The following TRIM62 variants were observed in gnomAD, a reference collection of about 807,000 sequenced individuals.
TRIM62 encodes the protein E3 ubiquitin-protein ligase TRIM62.
In TRIM62, 39 loss-of-function variants were observed where a neutral mutation model predicts 44.2. The ratio of observed to expected loss-of-function variants is 0.88; its 90% CI spans 0.68 to 1.15. TRIM62 has a LOEUF of 1.15. Among genes scored for constraint, TRIM62 ranks in the 50% most tolerant of loss-of-function variants. The pLI is 0.00. For synonymous variants in TRIM62, 278 were observed against 292.3 expected (o/e 0.95, Z 0.50); for missense variants, 544 against 665.5 (o/e 0.82, Z 2.01).
At position 33,146,488 on chromosome 1, in the gene TRIM62, T is replaced by A. The variant is rs1645023067; in HGVS notation, c.*689A>T. 1 of 159,514 alleles carries A rather than the reference T, an allele frequency of 6.3e-6. No homozygotes were observed. The highest frequency in any genetic ancestry group is 1.4e-5 in the Non-Finnish European group (1 of 72,206). The allele number at this position is 159,514 out of a possible 1,614,324, so 9.9% of individuals were successfully genotyped here. ...TAATGGGCTCTGCATCAGCTTTGGG[T>A]ATACCCTCACCCTGTCCCTCGGCCT... On this transcript the variant is annotated 3_prime_UTR_variant, in exon 5 of 5. Coordinates refer to ENST00000291416, the MANE Select transcript of TRIM62 (RefSeq NM_018207.3).
intron 1 of TRIM62, among the ~76,000 whole-genome samples, chr1:33,174,128 C>CCCCTTCTTCT (rs1645395628): frequency 6.7e-6 from 1 of 148,162 alleles, no homozygotes; most frequent in Non-Finnish European, 1.5e-5. Flanking sequence ...TTTCTTCTTC[C>CCCCTTCTTCT]CCCTTCTTCT....
intron 4 of TRIM62, among the ~76,000 whole-genome samples, chr1:33,155,215 G>A (rs1056872074): frequency 2.6e-5 from 4 of 151,680 alleles, no homozygotes; most frequent in African/African-American, 9.7e-5. Context: ...GGGATTACAG[G>A]CGTGTACCAC....
At chr1:33,149,075 C>A (rs1302979108) in intron 4 of TRIM62, among the ~76,000 whole-genome samples, 1 of 152,224 alleles carries the variant, frequency 6.6e-6, no homozygotes, top group Non-Finnish European at 1.5e-5. Flanking sequence ...ATTCAAAAGG[C>A]CCACCCTTTG....
chr1:33,149,317 T>A (rs1474427897), intron 4 of TRIM62, among the ~76,000 whole-genome samples: 1 of 152,098 alleles, frequency 6.6e-6, no homozygotes, highest in Admixed American at 6.5e-5. Context: ...CACGCCTGGC[T>A]AATTTTTTGT....
chr1:33,171,812 C>T (rs1430437021), intron 1 of TRIM62, among the ~76,000 whole-genome samples: 1 of 152,118 alleles, frequency 6.6e-6, no homozygotes, highest in South Asian at 2.1e-4. Context: ...GACAGAATCT[C>T]GCTCTGTAAC....
chr1:33,174,329 A>G (rs1374956651), intron 1 of TRIM62, among the ~76,000 whole-genome samples: 5 of 152,110 alleles, frequency 3.3e-5, no homozygotes, highest in Admixed American at 3.3e-4. Flanking sequence ...CTACAGGTGC[A>G]TGAAACCATG....
In TRIM62 at chr1:33,165,309, A is replaced by C; in HGVS notation, c.504+162T>G. On this transcript the variant is annotated intron_variant, in intron 2 of 4. Transcript: ENST00000291416. This position sits in a 1 kb window ranked among gnomAD's most constrained non-coding sequence, Gnocchi z 4.0. ...CCCCATTGAACTTCACGGATGCCCT[A>C]CCCTCTTCCCCACCCTGCCCTTCTC... The C allele has an allele frequency of 1.7e-6, 1 of 599,810 alleles. No individual in the cohort carries two copies. The highest frequency in any genetic ancestry group is 3.1e-5 in the East Asian group (1 of 32,540). The allele number at this position is 599,810 out of a possible 1,614,324, so 37.2% of individuals were successfully genotyped here. A position where few individuals can be genotyped will look rare whatever the true frequency, so the allele number is the denominator to read the frequency against.
intron 4 of TRIM62, among the ~76,000 whole-genome samples, chr1:33,150,653 GA>G (rs1379746290): frequency 6.6e-6 from 1 of 152,218 alleles, no homozygotes; most frequent in Non-Finnish European, 1.5e-5. Flanking sequence ...CCTGTGGTCT[GA>G]CTGGCCACAG....
chr1:33,157,617 G>A (rs1645197497), intron 4 of TRIM62, among the ~76,000 whole-genome samples: 1 of 152,068 alleles, frequency 6.6e-6, no homozygotes, highest in African/African-American at 2.4e-5. Context: ...GCTTACTATG[G>A]TATCTCCAGC....
chr1:33,172,645 TATGCC>T (rs1449889505), intron 1 of TRIM62, among the ~76,000 whole-genome samples: 3 of 152,020 alleles, frequency 2.0e-5, no homozygotes, highest in African/African-American at 7.3e-5. Flanking sequence ...GTTATGCAAA[TATGCC>T]AGCTTTGAGG....
intron 4 of TRIM62, among the ~76,000 whole-genome samples, chr1:33,155,469 T>C (rs572493264): frequency 1.2e-4 from 18 of 152,204 alleles, no homozygotes; most frequent in Admixed American, 2.0e-4. Context: ...CTGTGTGACC[T>C]GAGGGAGTCA....
chr1:33,156,557 C>T (rs1360298723), intron 4 of TRIM62, among the ~76,000 whole-genome samples: 1 of 152,172 alleles, frequency 6.6e-6, no homozygotes, highest in African/African-American at 2.4e-5. Flanking sequence ...TTGGCTGGGT[C>T]CCCCTCTTGT....
chr1:33,161,504 G>A lies in TRIM62; in HGVS notation c.505-1560C>T, dbSNP rs554539665. 5.3e-5 allele frequency among the ~76,000 whole-genome samples: 8 copies of A among 152,262 alleles called. No individual in the cohort carries two copies. In the South Asian group the frequency reaches 1.0e-3, roughly 20 times the overall value. ...CTCAATTAGGGCCTGTTCCCTCCCC[G>A]ACGCGCGGCTGCTGGCCTGCAGGAA... On this transcript the variant is annotated intron_variant, in intron 2 of 4. Coordinates refer to ENST00000291416, the MANE Select transcript of TRIM62 (RefSeq NM_018207.3). The surrounding 1 kb of genome is among the most constrained non-coding windows in gnomAD (Gnocchi z 4.3).
chr1:33,146,797 G>A lies in TRIM62; in HGVS notation c.*380C>T, dbSNP rs1295902048. ...CATAAGAGGGTGCTGTGTGTCTTTC[G>A]GGCTGCCAACTACTGGCCATGCTCT... On this transcript the variant is annotated 3_prime_UTR_variant, in exon 5 of 5. Transcript: ENST00000291416. The A allele has an allele frequency of 2.2e-5, 6 of 275,626 alleles. No individual in the cohort carries two copies. The East Asian group carries it at 3.4e-4, about 16-fold the overall frequency. 17.1% of individuals were successfully genotyped at this position (275,626 alleles called of 1,614,324 possible). A position where few individuals can be genotyped will look rare whatever the true frequency, so the allele number is the denominator to read the frequency against.
chr1:33,171,166 C>T (rs1391454756), intron 1 of TRIM62, among the ~76,000 whole-genome samples: 1 of 152,174 alleles, frequency 6.6e-6, no homozygotes, highest in Non-Finnish European at 1.5e-5. Flanking sequence ...GGAGAACAAA[C>T]TAGAAATTTT....
rs149194862 is a variant in TRIM62 at position 33,167,313 on chromosome 1, G to C, written c.409-1747C>G. Among the ~76,000 whole-genome samples, 1 of 152,328 alleles carries C rather than the reference G, an allele frequency of 6.6e-6. No homozygotes were observed. Among genetic ancestry groups the C allele is most frequent in the East Asian group, 1.9e-4 (1 of 5,182 alleles). On this transcript the variant is annotated intron_variant, in intron 1 of 4. Coordinates refer to ENST00000291416, the MANE Select transcript of TRIM62 (RefSeq NM_018207.3). The surrounding 1 kb of genome is among the most constrained non-coding windows in gnomAD (Gnocchi z 4.2). ...TGCTTATCTCCTCACTAGAATGTGA[G>C]TTTCATGAGAGTAGTAGGAATCTTG...
chr1:33,158,343 T>C lies in TRIM62; in HGVS notation c.787A>G (p.Asn263Asp). The C allele has an allele frequency of 1.2e-6, 2 of 1,613,896 alleles. No homozygotes were observed. Among genetic ancestry groups the C allele is most frequent in the Non-Finnish European group, 1.7e-6 (2 of 1,179,826 alleles). Residue 263 changes from asparagine to aspartate, a missense_variant, in exon 4 of 5, where the codon AAC (asparagine) becomes GAC (aspartate). Coordinates refer to ENST00000291416, the MANE Select transcript of TRIM62 (RefSeq NM_018207.3). ...ERLKGKIHET[N>D]LTYEDFPTSK... ...GTCGGGAAGTCTTCATATGTGAGGT[T>C]GGTCTCATGGATTTTTCCCTTGAGC...
chr1:33,164,585 CTGTT>C (rs113208205), intron 2 of TRIM62: 16 of 152,348 alleles, frequency 1.1e-4, no homozygotes, highest in Non-Finnish European at 1.6e-4. Context: ...GTGGAAAAGT[CTGTT>C]TGTTTGTTTG....
At chr1:33,174,573 G>A (rs1459011497) in intron 1 of TRIM62, among the ~76,000 whole-genome samples, 1 of 152,152 alleles carries the variant, frequency 6.6e-6, no homozygotes, top group Non-Finnish European at 1.5e-5. Flanking sequence ...TAAATGAGAG[G>A]TAGGCTGGGG....
Sources: gnomAD v4.1 joint callset for allele counts (sites outside exome capture counted in the v4.1 genomes callset) on GRCh38, gnomAD v4.1.1 for gene constraint, Gnocchi (gnomAD v3.1) non-coding constraint, MANE v1.5 for transcripts, NCBI Gene and HGNC (gene_info 2026-07-23, HGNC 2026-07-21) for gene names.